The following GSTCD variants were observed in gnomAD, a reference collection of about 807,000 sequenced individuals.
GSTCD encodes glutathione S-transferase C-terminal domain-containing protein.
In GSTCD, 44 loss-of-function variants were observed where a neutral mutation model predicts 68.3. The observed-to-expected ratio is 0.64, with a 90% CI of 0.51 to 0.83. The LOEUF is 0.83. Ranked by LOEUF, GSTCD falls within the 40% of genes least tolerant of loss-of-function variation. The pLI, the probability that GSTCD is intolerant of heterozygous loss-of-function variation, is 0.00. For synonymous variants in GSTCD, 273 were observed against 255.2 expected, an observed-to-expected ratio of 1.07 and a Z score of -0.67; for missense variants, 739 against 735.9, an observed-to-expected ratio of 1.00 and a Z score of -0.05.
chr4:105,774,609 A>T (rs1173631355), intron 5 of GSTCD, among the ~76,000 whole-genome samples: 1 of 152,292 alleles, frequency 6.6e-6, no homozygotes, highest in East Asian at 1.9e-4. Flanking sequence ...TTTGCTTATG[A>T]AGCTTAGTTT....
chr4:105,724,304 C>G (rs760113578), intron 3 of GSTCD, among the ~76,000 whole-genome samples: 2 of 151,566 alleles, frequency 1.3e-5, no homozygotes. Flanking sequence ...GAGAAAGCAT[C>G]TGACCAAGAG....
chr4:105,734,093 G>C (rs576707129), intron 5 of GSTCD, among the ~76,000 whole-genome samples: 1 of 152,120 alleles, frequency 6.6e-6, no homozygotes, highest in African/African-American at 2.4e-5. Flanking sequence ...TGGGTACCCC[G>C]ACCTTTCTCT....
chr4:105,795,647 T>C (rs933003231), intron 5 of GSTCD, among the ~76,000 whole-genome samples: 1 of 152,108 alleles, frequency 6.6e-6, no homozygotes, highest in Non-Finnish European at 1.5e-5. Context: ...TGGCAACAAT[T>C]GGCTAGATCC....
At chr4:105,744,704 A>G (rs991939323) in intron 5 of GSTCD, among the ~76,000 whole-genome samples, 4 of 152,196 alleles carry the variant, frequency 2.6e-5, no homozygotes, top group African/African-American at 9.6e-5. Context: ...ACAACATATT[A>G]CAGGCTTATC....
At chr4:105,722,368 T>C (rs1732884841) in intron 3 of GSTCD, among the ~76,000 whole-genome samples, 1 of 152,102 alleles carries the variant, frequency 6.6e-6, no homozygotes, top group Non-Finnish European at 1.5e-5. Flanking sequence ...ATTTTCTGTG[T>C]CTATTCCTAT....
At chr4:105,718,920 G>A in intron 2 of GSTCD, 140 bp from the exon 3 acceptor site, 1 of 646,510 alleles carries the variant, frequency 1.5e-6, no homozygotes, top group Non-Finnish European at 2.7e-6. Flanking sequence ...GCACTGTGAT[G>A]TGTCTCCTGA....
intron 5 of GSTCD, among the ~76,000 whole-genome samples, chr4:105,804,041 A>G (rs551915720): frequency 5.3e-4 from 81 of 152,076 alleles, no homozygotes; most frequent in African/African-American, 2.0e-3. Context: ...TATCATCACC[A>G]TTATTATTTA....
chr4:105,738,042 T>C (rs1733515327), intron 5 of GSTCD, among the ~76,000 whole-genome samples: 1 of 152,250 alleles, frequency 6.6e-6, no homozygotes, highest in Non-Finnish European at 1.5e-5. Flanking sequence ...CCTTTTGCCT[T>C]CTGCCATGAG....
intron 5 of GSTCD, among the ~76,000 whole-genome samples, chr4:105,805,066 C>T (rs896222237): frequency 6.6e-6 from 1 of 151,846 alleles, no homozygotes; most frequent in Non-Finnish European, 1.5e-5. Flanking sequence ...TTACATAGGT[C>T]AATAAGCTAA....
chr4:105,795,724 C>T (rs745502290), intron 5 of GSTCD, among the ~76,000 whole-genome samples: 1 of 152,128 alleles, frequency 6.6e-6, no homozygotes, highest in African/African-American at 2.4e-5. Flanking sequence ...GCCAGTTGTA[C>T]ACATACATGT....
chr4:105,722,482 G>GT (rs1376949729), intron 3 of GSTCD, among the ~76,000 whole-genome samples: 1 of 151,942 alleles, frequency 6.6e-6, no homozygotes, highest in Non-Finnish European at 1.5e-5. Flanking sequence ...GTTGTTTACT[G>GT]TTTTTTCTCT....
intron 5 of GSTCD, among the ~76,000 whole-genome samples, chr4:105,790,359 T>TA (rs1291021455): frequency 6.6e-6 from 1 of 152,098 alleles, no homozygotes; most frequent in Non-Finnish European, 1.5e-5. Flanking sequence ...TAATATGATT[T>TA]AAAAATGTGA....
intron 5 of GSTCD, among the ~76,000 whole-genome samples, chr4:105,749,793 C>G (rs1316236407): frequency 6.6e-6 from 1 of 151,932 alleles, no homozygotes; most frequent in Non-Finnish European, 1.5e-5. Flanking sequence ...AGAGAATGAT[C>G]CATTTTGTAA....
At chr4:105,811,776 T>C (rs147013370) in intron 5 of GSTCD, among the ~76,000 whole-genome samples, 2 of 152,308 alleles carry the variant, frequency 1.3e-5, no homozygotes, top group African/African-American at 2.4e-5. Context: ...ATTTGCATTT[T>C]AGAAGGAATG....
intron 5 of GSTCD, among the ~76,000 whole-genome samples, chr4:105,740,075 G>A (rs1208734453): frequency 6.6e-6 from 1 of 151,934 alleles, no homozygotes; most frequent in African/African-American, 2.4e-5. Flanking sequence ...GAAATGAAGG[G>A]ATATTGTGGG....
At chr4:105,760,932 A>G (rs549080193) in intron 5 of GSTCD, 3 of 312,234 alleles carry the variant, frequency 9.6e-6, no homozygotes, top group African/African-American at 2.3e-5. Flanking sequence ...ACCATTTTCC[A>G]TGATCTCAGA....
intron 5 of GSTCD, among the ~76,000 whole-genome samples, chr4:105,732,613 CA>C (rs1232319340): frequency 6.6e-6 from 1 of 151,976 alleles, no homozygotes; most frequent in East Asian, 1.9e-4. Context: ...AGCAGTCTAT[CA>C]ATTTTGTTGA....
At chr4:105,783,799 T>G (rs1247950023) in intron 5 of GSTCD, among the ~76,000 whole-genome samples, 3 of 152,218 alleles carry the variant, frequency 2.0e-5, no homozygotes, top group Admixed American at 2.0e-4. Flanking sequence ...CAGTTCAAGA[T>G]TATATTGTAT....
chr4:105,797,046 A>ATG (rs201988913), intron 5 of GSTCD, among the ~76,000 whole-genome samples: 6,197 of 145,538 alleles, frequency 0.043, 158 homozygotes, highest in East Asian at 0.076. Flanking sequence ...ACAGAGATAC[A>ATG]TGTGTGTGTG....
Sources: gnomAD v4.1 joint callset for allele counts (sites outside exome capture counted in the v4.1 genomes callset) on GRCh38, gnomAD v4.1.1 for gene constraint, MANE v1.5 for transcripts, NCBI Gene and HGNC (gene_info 2026-07-23, HGNC 2026-07-21) for gene names.